The following CABLES1 variants were observed in gnomAD, a reference collection of about 807,000 sequenced individuals.
The protein encoded by CABLES1 is Cdk5 and Abl enzyme substrate 1.
In CABLES1, 36 loss-of-function variants were observed where a neutral mutation model predicts 57.8. The ratio of observed to expected loss-of-function variants is 0.62; its 90% confidence interval spans 0.48 to 0.82. CABLES1 has a LOEUF of 0.82. CABLES1 is among the 40% of genes least tolerant of loss of function. CABLES1 has a pLI of 0.00. For synonymous variants in CABLES1, 374 were observed against 363.0 expected (o/e 1.03, Z -0.35); for missense variants, 767 against 836.6 (o/e 0.92, Z 1.03).
chr18:23,195,302 C>T (rs1192378911), intron 3 of CABLES1, among the ~76,000 whole-genome samples: 3 of 152,148 alleles, frequency 2.0e-5, no homozygotes, highest in African/African-American at 7.2e-5. Flanking sequence ...CAGTTGCTCC[C>T]CACTGACTTG....
chr18:23,203,414 A>G (rs1400793867), intron 3 of CABLES1, among the ~76,000 whole-genome samples: 2 of 151,926 alleles, frequency 1.3e-5, no homozygotes, highest in East Asian at 3.9e-4. Flanking sequence ...TAAAGAACTG[A>G]GCCAGAGTGT....
chr18:23,238,611 A>G (rs537555607), intron 7 of CABLES1, among the ~76,000 whole-genome samples: 2 of 152,356 alleles, frequency 1.3e-5, no homozygotes, highest in East Asian at 3.9e-4. Context: ...AGTGTTCAAT[A>G]AATGACCAGA....
intron 4 of CABLES1, among the ~76,000 whole-genome samples, chr18:23,224,368 G>A (rs1019013260): frequency 2.0e-5 from 3 of 152,002 alleles, no homozygotes; most frequent in African/African-American, 4.8e-5. Flanking sequence ...GCTTGGGAAC[G>A]AGCTGGCAGG....
chr18:23,230,537 G>A (rs193018427), intron 4 of CABLES1, among the ~76,000 whole-genome samples: 34 of 152,306 alleles, frequency 2.2e-4, no homozygotes, highest in Admixed American at 5.2e-4. Context: ...CCCTGAATCT[G>A]AGGGAGGAAA....
intron 3 of CABLES1, among the ~76,000 whole-genome samples, chr18:23,199,955 A>G (rs1215290759): frequency 6.6e-6 from 1 of 152,176 alleles, no homozygotes; most frequent in Non-Finnish European, 1.5e-5. Context: ...TCCTGGGATG[A>G]TGGTACGGGT....
At chr18:23,227,058 T>TA (rs1598840785) in intron 4 of CABLES1, 1 of 152,196 alleles carries the variant, frequency 6.6e-6, no homozygotes, top group Non-Finnish European at 1.5e-5. Flanking sequence ...GGTGTGTTTT[T>TA]AAATTGTCAA....
Position 23,249,311 on chromosome 18 carries a change from A to G in CABLES1, c.1447-3649A>G, listed in dbSNP as rs1020708438. Among the ~76,000 whole-genome samples the G allele has an allele frequency of 2.6e-5, 4 of 152,340 alleles. No individual in the cohort carries two copies. The East Asian group carries it at 7.7e-4, about 29-fold the overall frequency. On this transcript the variant is annotated intron_variant, in intron 7 of 9. Transcript: ENST00000256925. ...CAGGAGGAGGTTGGATGTTCAGATA[A>G]TAGAGTAGAATGGAGGCGAGTCCTG... is the stretch of plus-strand genomic sequence containing the variant.
intron 1 of CABLES1, among the ~76,000 whole-genome samples, chr18:23,188,543 T>TTGTGTGTGTGTGTGTGTG (rs55888102): frequency 0.084 from 12,467 of 148,902 alleles, 812 homozygotes; most frequent in Admixed American, 0.22. Context: ...CACCTTGTCT[T>TTGTGTGTGTGTGTGTGTG]TGTGTGTGTG....
chr18:23,196,029 G>C (rs1172254801), intron 3 of CABLES1, among the ~76,000 whole-genome samples: 1 of 152,278 alleles, frequency 6.6e-6, no homozygotes, highest in East Asian at 1.9e-4. Context: ...ATGCTAGCTG[G>C]CACGGCACAA....
chr18:23,225,695 T>G (rs767174710), intron 4 of CABLES1, among the ~76,000 whole-genome samples: 4 of 152,232 alleles, frequency 2.6e-5, no homozygotes, highest in Non-Finnish European at 5.9e-5. Context: ...CAACTAACAC[T>G]TGCCAAGGCC....
Position 23,135,851 on chromosome 18 carries a change from A to G in CABLES1, c.89A>G (p.Gln30Arg). 3 of 990,752 alleles carry G rather than the reference A, an allele frequency of 3.0e-6. No homozygotes were observed. Among genetic ancestry groups the G allele is most frequent in the Non-Finnish European group, 3.6e-6 (3 of 831,952 alleles). 61.4% of individuals were successfully genotyped at this position (990,752 alleles called of 1,614,324 possible). ...GCCGCGGGCGCCAGCGGATTGCAGC[A>G]GCCGCCGCCGCAGCCCCAGCCTCAG... ...TDAAGASGLQ[Q>R]PPPQPQPQPA... The change falls in exon 1 of 10, where the codon CAG becomes CGG. Residue 30 changes from glutamine to arginine, a missense_variant. Physicochemically the swap from Gln to Arg is conservative, Grantham distance 43. This residue lies in a region of CABLES1 where 198 missense variants were observed against 149.7 expected (regional missense o/e 1.32). Transcript: ENST00000256925.
At chr18:23,158,136 A>C (rs1192901907) in intron 1 of CABLES1, among the ~76,000 whole-genome samples, 1 of 151,250 alleles carries the variant, frequency 6.6e-6, no homozygotes, top group East Asian at 1.9e-4. Context: ...AAAAAAAAAA[A>C]AACAAACCCA....
chr18:23,247,173 T>A (rs1382555647), intron 7 of CABLES1, among the ~76,000 whole-genome samples: 2 of 152,216 alleles, frequency 1.3e-5, no homozygotes, highest in Non-Finnish European at 2.9e-5. Context: ...GAGGATGCCA[T>A]CTCTTGGCAT....
In CABLES1 at chr18:23,136,369, G is replaced by T. The variant is rs749555191; in HGVS notation, c.607G>T (p.Ala203Ser). Residue 203 changes from alanine to serine, a missense_variant, in exon 1 of 10, where the codon GCC (alanine) becomes TCC (serine). Transcript: ENST00000256925. ...QLQLLDGSGA[A>S]GQEELEEDDA... is the part of the protein sequence containing the mutation. ...GCAGCTGCTCGACGGGTCCGGGGCC[G>T]CCGGGCAGGAGGAGTTGGAGGAGGA... 5.2e-5 allele frequency: 80 copies of T among 1,523,966 alleles called. No homozygotes were observed. The highest frequency in any genetic ancestry group is 6.3e-5 in the Non-Finnish European group (72 of 1,137,592). The allele number at this position is 1,523,966 out of a possible 1,614,324, so 94.4% of individuals were successfully genotyped here.
At chr18:23,161,753 C>G (rs60624169) in intron 1 of CABLES1, among the ~76,000 whole-genome samples, 1 of 129,444 alleles carries the variant, frequency 7.7e-6, no homozygotes. Flanking sequence ...TACTAAAAAT[C>G]CAAAAAAAAA....
At chr18:23,142,315 G>A (rs1366258791) in intron 1 of CABLES1, among the ~76,000 whole-genome samples, 12 of 152,126 alleles carry the variant, frequency 7.9e-5, no homozygotes, top group Admixed American at 7.9e-4. Context: ...TTCAGGCACG[G>A]GCAATATCGC....
At chr18:23,221,779 TACC>T (rs1198539607) in intron 4 of CABLES1, among the ~76,000 whole-genome samples, 4 of 152,166 alleles carry the variant, frequency 2.6e-5, no homozygotes, top group Non-Finnish European at 2.9e-5. Flanking sequence ...TTTTAACAGT[TACC>T]TGGGTATCAT....
At chr18:23,186,497 C>T (rs2047203855) in intron 1 of CABLES1, among the ~76,000 whole-genome samples, 1 of 151,534 alleles carries the variant, frequency 6.6e-6, no homozygotes. Flanking sequence ...TTGATCTCGG[C>T]TCACTGCAAC....
chr18:23,257,079 G>C lies in CABLES1; in HGVS notation c.1762-148G>C, dbSNP rs1404963527. On this transcript the variant is annotated intron_variant, in intron 9 of 9. Transcript: ENST00000256925. ...GGACCGAAGGCAGGAAGCACAGCCTGTGCCTCCCTTTCTTCCTCCACAGAG... is the reference window on the plus strand; with the variant it reads ...GGACCGAAGGCAGGAAGCACAGCCTCTGCCTCCCTTTCTTCCTCCACAGAG... The C allele has an allele frequency of 4.7e-6, 4 of 845,472 alleles. No homozygotes were observed. The East Asian group carries it at 1.1e-4, about 23-fold the overall frequency. The allele number at this position is 845,472 out of a possible 1,614,324, so 52.4% of individuals were successfully genotyped here.
Sources: gnomAD v4.1 joint callset for allele counts (sites outside exome capture counted in the v4.1 genomes callset) on GRCh38, gnomAD v4.1.1 for gene constraint, gnomAD v4.1.1 regional missense constraint, MANE v1.5 for transcripts, NCBI Gene and HGNC (gene_info 2026-07-23, HGNC 2026-07-21) for gene names.